CPNE8: variants seen among roughly 807,000 people sequenced by gnomAD.
CPNE8 encodes copine 8, also known as copine-8.
Under a neutral mutation model 81.5 loss-of-function variants are expected in CPNE8, and 45 were observed. That is an observed-to-expected ratio of 0.55 (90% CI 0.44 to 0.71). CPNE8 has a LOEUF of 0.71. CPNE8 is among the 30% of genes least tolerant of loss of function. CPNE8 has a pLI of 0.00. For missense variants in CPNE8, 594 were observed against 672.1 expected (o/e 0.88, Z 1.28); for synonymous variants, 252 against 226.3 (o/e 1.11, Z -1.02).
chr12:38,667,340 T>A (rs1037280802), intron 19 of CPNE8, among the ~76,000 whole-genome samples: 1 of 152,236 alleles, frequency 6.6e-6, no homozygotes, highest in African/African-American at 2.4e-5. Context: ...TTCTAAATAT[T>A]CAAGAGTGTT....
chr12:38,761,764 C>T (rs953609683), intron 9 of CPNE8, among the ~76,000 whole-genome samples: 1 of 152,182 alleles, frequency 6.6e-6, no homozygotes, highest in Non-Finnish European at 1.5e-5. Context: ...AACTATGGAA[C>T]TTTTGTGAAT....
chr12:38,674,289 A>C (rs1486169228), intron 18 of CPNE8, among the ~76,000 whole-genome samples: 1 of 152,144 alleles, frequency 6.6e-6, no homozygotes, highest in Non-Finnish European at 1.5e-5. Context: ...CTCAAAGAAA[A>C]AGAACTGATT....
At chr12:38,890,312 T>C (rs1944296633) in intron 1 of CPNE8, among the ~76,000 whole-genome samples, 2 of 152,214 alleles carry the variant, frequency 1.3e-5, no homozygotes, top group African/African-American at 4.8e-5. Context: ...TACAAGCACT[T>C]AGGAAATTAC....
chr12:38,777,984 G>A (rs765601204), intron 6 of CPNE8, among the ~76,000 whole-genome samples: 3 of 152,130 alleles, frequency 2.0e-5, no homozygotes, highest in African/African-American at 4.8e-5. Flanking sequence ...CTTCTTATGA[G>A]AATCTAATGC....
intron 14 of CPNE8, among the ~76,000 whole-genome samples, chr12:38,699,446 A>AAC (rs1565572882): frequency 1.3e-5 from 2 of 152,222 alleles, no homozygotes; most frequent in African/African-American, 4.8e-5. Context: ...GCACACTGAT[A>AAC]ACTGATAACT....
At chr12:38,802,735 A>T (rs916845366) in intron 6 of CPNE8, among the ~76,000 whole-genome samples, 7 of 151,172 alleles carry the variant, frequency 4.6e-5, no homozygotes, top group Admixed American at 4.0e-4. Context: ...TTTTGAAAGG[A>T]TCAACAAAAT....
intron 8 of CPNE8, among the ~76,000 whole-genome samples, chr12:38,764,902 G>A (rs1216586687): frequency 6.6e-6 from 1 of 152,066 alleles, no homozygotes; most frequent in Non-Finnish European, 1.5e-5. Flanking sequence ...CAGAGAGAGA[G>A]ACTAGACTGA....
chr12:38,660,764 A>G (rs954007777), intron 19 of CPNE8, among the ~76,000 whole-genome samples: 3 of 152,210 alleles, frequency 2.0e-5, no homozygotes, highest in African/African-American at 7.2e-5. Flanking sequence ...AAACAAATTT[A>G]TAAGAAAAAA....
At chr12:38,678,276 A>G (rs1464606275) in intron 16 of CPNE8, among the ~76,000 whole-genome samples, 2 of 152,076 alleles carry the variant, frequency 1.3e-5, no homozygotes, top group African/African-American at 4.8e-5. Context: ...AAAATTATGT[A>G]TATGATAACA....
intron 3 of CPNE8, among the ~76,000 whole-genome samples, chr12:38,861,209 T>C (rs982595011): frequency 6.6e-6 from 1 of 152,070 alleles, no homozygotes; most frequent in African/African-American, 2.4e-5. Context: ...CAGCACAGAA[T>C]GGTGGGTGCC....
intron 1 of CPNE8, among the ~76,000 whole-genome samples, chr12:38,891,604 T>C (rs778204337): frequency 1.2e-4 from 18 of 152,032 alleles, no homozygotes; most frequent in Non-Finnish European, 4.4e-5. Context: ...GGCGCCACCA[T>C]GCCGGGCTAA....
chr12:38,822,473 A>G (rs896637617), intron 6 of CPNE8, among the ~76,000 whole-genome samples: 1 of 152,200 alleles, frequency 6.6e-6, no homozygotes, highest in Non-Finnish European at 1.5e-5. Context: ...GATACTGGCT[A>G]TTTTTAATAA....
chr12:38,698,307 C>A (rs1297751103), intron 14 of CPNE8, among the ~76,000 whole-genome samples: 2 of 152,088 alleles, frequency 1.3e-5, no homozygotes, highest in Non-Finnish European at 2.9e-5. Context: ...AGGTTCAAGT[C>A]CCTCATGAGA....
intron 2 of CPNE8, among the ~76,000 whole-genome samples, chr12:38,873,591 C>A (rs1373541958): frequency 2.0e-5 from 3 of 152,142 alleles, no homozygotes; most frequent in Non-Finnish European, 2.9e-5. Flanking sequence ...GTGTCCCACC[C>A]ACTTGTCAAA....
intron 7 of CPNE8, among the ~76,000 whole-genome samples, chr12:38,774,066 A>G (rs1263710023): frequency 6.6e-6 from 1 of 152,182 alleles, no homozygotes; most frequent in Non-Finnish European, 1.5e-5. Context: ...AAAAATACCT[A>G]GACCACTAAA....
At chr12:38,811,455 T>G (rs1370842675) in intron 6 of CPNE8, among the ~76,000 whole-genome samples, 1 of 152,168 alleles carries the variant, frequency 6.6e-6, no homozygotes, top group African/African-American at 2.4e-5. Context: ...CAAATTATTT[T>G]AAGCAAAAAA....
rs937839685 is a variant in CPNE8, at chr12:38,848,677, A to G, written c.187-15T>C. On this transcript the variant is annotated splice_polypyrimidine_tract_variant and intron_variant, in intron 3 of 19. Coordinates refer to ENST00000331366, the MANE Select transcript of CPNE8 (RefSeq NM_153634.3). ...GTTCTTCCAAACTGTGGAAAGAGAGAGAGAATTTAAAATTAAACCTTGTAC... is the reference window on the plus strand; with the variant it reads ...GTTCTTCCAAACTGTGGAAAGAGAGGGAGAATTTAAAATTAAACCTTGTAC... The G allele has an allele frequency of 1.9e-6, 3 of 1,575,940 alleles. No homozygotes were observed. The highest frequency in any genetic ancestry group is 2.8e-5 in the African/African-American group (2 of 72,350).
At chr12:38,726,197 C>T (rs1592041478) in intron 11 of CPNE8, among the ~76,000 whole-genome samples, 2 of 149,944 alleles carry the variant, frequency 1.3e-5, no homozygotes, top group East Asian at 4.0e-4. Flanking sequence ...AGTTAGGGTC[C>T]TATTTTTAAA....
chr12:38,753,830 T>G (rs1941400361), intron 10 of CPNE8, among the ~76,000 whole-genome samples: 1 of 152,106 alleles, frequency 6.6e-6, no homozygotes, highest in Non-Finnish European at 1.5e-5. Flanking sequence ...TTACTGTGCC[T>G]AAGGTAAAAA....
Sources: gnomAD v4.1 joint callset for allele counts (sites outside exome capture counted in the v4.1 genomes callset) on GRCh38, gnomAD v4.1.1 for gene constraint, MANE v1.5 for transcripts, NCBI Gene and HGNC (gene_info 2026-07-23, HGNC 2026-07-21) for gene names.